Variants in PFKFB4 observed in about 807,000 individuals in gnomAD.
The protein encoded by PFKFB4 is 6-phosphofructo-2-kinase/fructose-2,6-bisphosphatase 4.
Under a neutral mutation model 62.8 loss-of-function variants are expected in PFKFB4, and 42 were observed. The observed-to-expected ratio is 0.67, with a 90% CI of 0.52 to 0.86. PFKFB4 has a LOEUF of 0.86. PFKFB4 is among the 40% of genes least tolerant of loss of function. The pLI is 0.00. For synonymous variants in PFKFB4, 204 were observed against 240.7 expected, an observed-to-expected ratio of 0.85 and a Z score of 1.41; for missense variants, 475 against 627.2, an observed-to-expected ratio of 0.76 and a Z score of 2.59.
At chr3:48,551,892 G>C (rs906116086) in intron 1 of PFKFB4, among the ~76,000 whole-genome samples, 1 of 152,156 alleles carries the variant, frequency 6.6e-6, no homozygotes, top group African/African-American at 2.4e-5. Context: ...GCCTCAGGAA[G>C]CTTCCTTTTC....
At chr3:48,546,471 G>A (rs142160121) in intron 3 of PFKFB4, among the ~76,000 whole-genome samples, 14 of 152,326 alleles carry the variant, frequency 9.2e-5, no homozygotes, top group Non-Finnish European at 1.8e-4. Context: ...GCATACAGGT[G>A]AACACAAGCG....
intron 7 of PFKFB4, among the ~76,000 whole-genome samples, chr3:48,537,516 C>CTTTTT (rs34454675): frequency 1.2e-4 from 11 of 91,388 alleles, no homozygotes; most frequent in East Asian, 3.5e-4. Flanking sequence ...CATGTGCATC[C>CTTTTT]TTTTTTTTTT....
intron 3 of PFKFB4, among the ~76,000 whole-genome samples, chr3:48,546,467 A>G (rs1485265208): frequency 2.0e-5 from 3 of 152,200 alleles, no homozygotes; most frequent in Non-Finnish European, 2.9e-5. Flanking sequence ...ATGTGCATAC[A>G]GGTGAACACA....
chr3:48,523,612 A>C lies in PFKFB4; in HGVS notation c.1223-13T>G. ...TAGGGCAGCTGTTCTGTAGACACAG[A>C]GGGGGATGGCTAGCACACCAGAAAT... On this transcript the variant is annotated splice_polypyrimidine_tract_variant and intron_variant, in intron 11 of 13. Transcript: ENST00000232375. 6.2e-7 allele frequency: 1 copy of C among 1,614,158 alleles called. No individual in the cohort carries two copies.
At chr3:48,562,567 C>T (rs1170518695), upstream of PFKFB4, 4 of 573,198 alleles carry the variant, frequency 7.0e-6, no homozygotes, top group Non-Finnish European at 1.2e-5. The surrounding 1 kb of genome is among the most constrained non-coding windows in gnomAD (Gnocchi z 4.3). Flanking sequence ...GTCCAATGTC[C>T]AGGCTGTCCA....
At position 48,527,130 on chromosome 3, in the gene PFKFB4, A is replaced by G. The variant is rs373486550; in HGVS notation, c.988-1461T>C. Among the ~76,000 whole-genome samples the G allele has an allele frequency of 1.4e-4, 21 of 152,284 alleles. No homozygotes were observed. The East Asian group carries it at 3.9e-3, about 28-fold the overall frequency. Reference sequence around the variant, plus strand: ...AAGCGTTCTTTATTAGCACCTTCAGAGGGAGCATGGCCCCGCTGACGCCTT... The same window carrying G: ...AAGCGTTCTTTATTAGCACCTTCAGGGGGAGCATGGCCCCGCTGACGCCTT... On this transcript the variant is annotated intron_variant, in intron 9 of 13. Coordinates refer to ENST00000232375, the MANE Select transcript of PFKFB4 (RefSeq NM_004567.4).
intron 9 of PFKFB4, among the ~76,000 whole-genome samples, chr3:48,526,883 G>A (rs983403171): frequency 5.3e-5 from 8 of 151,816 alleles, no homozygotes; most frequent in Non-Finnish European, 1.2e-4. Flanking sequence ...AGAGATTGCA[G>A]GGAGCTGAGA....
In PFKFB4 at chr3:48,519,531, C is replaced by T; in HGVS notation, c.*216G>A. The T allele has an allele frequency of 1.8e-6, 1 of 557,164 alleles. No homozygotes were observed. Among genetic ancestry groups the T allele is most frequent in the Non-Finnish European group, 3.2e-6 (1 of 310,328 alleles). 34.5% of individuals were successfully genotyped at this position (557,164 alleles called of 1,614,324 possible). A position where few individuals can be genotyped will look rare whatever the true frequency, so the allele number is the denominator to read the frequency against. ...ATGCAGATGCAGTCTGGTCAAGTGACTCTTAGCAGCAGGTCAGGAGCCACG... is the reference window on the plus strand; with the variant it reads ...ATGCAGATGCAGTCTGGTCAAGTGATTCTTAGCAGCAGGTCAGGAGCCACG... On this transcript the variant is annotated 3_prime_UTR_variant, in exon 14 of 14. Transcript: ENST00000232375.
chr3:48,548,173 A>C (rs995781242), intron 3 of PFKFB4: 2 of 152,024 alleles, frequency 1.3e-5, no homozygotes, highest in African/African-American at 4.8e-5. Context: ...CAGCTGGCAG[A>C]CTCTCCCCAC....
In PFKFB4 at chr3:48,535,504, G is replaced by A; in HGVS notation, c.987+8C>T. ...GGAGGTAGACAGGGAGGGAGGGACG[G>A]TAACTACCGCATCGATCTCGTTGAG... On this transcript the variant is annotated splice_region_variant and intron_variant, in intron 9 of 13. Coordinates refer to ENST00000232375, the MANE Select transcript of PFKFB4 (RefSeq NM_004567.4). The A allele has an allele frequency of 6.2e-7, 1 of 1,610,700 alleles. No individual in the cohort carries two copies.
intron 4 of PFKFB4, among the ~76,000 whole-genome samples, chr3:48,541,853 C>T (rs982118917): frequency 1.3e-5 from 2 of 152,088 alleles, no homozygotes; most frequent in African/African-American, 4.8e-5. Flanking sequence ...GTAGTCCCAG[C>T]TACTCAGGAG....
intron 9 of PFKFB4, among the ~76,000 whole-genome samples, chr3:48,531,885 AAAAAG>A (rs1338651751): frequency 3.3e-5 from 5 of 152,238 alleles, no homozygotes; most frequent in Non-Finnish European, 5.9e-5. Flanking sequence ...CTACTATTAA[AAAAAG>A]AAAAGAAAAG....
chr3:48,540,463 C>A (rs1177607378), intron 4 of PFKFB4, among the ~76,000 whole-genome samples: 1 of 152,178 alleles, frequency 6.6e-6, no homozygotes. Context: ...GCCCCCTTCC[C>A]AACCCCATCC....
intron 10 of PFKFB4, among the ~76,000 whole-genome samples, chr3:48,524,449 C>T (rs182486052): frequency 1.0e-3 from 156 of 152,338 alleles, no homozygotes; most frequent in African/African-American, 3.4e-3. Context: ...ACTGAACGTG[C>T]CCCAAGCTTT....
chr3:48,520,414 C>T (rs1360028859), intron 13 of PFKFB4, among the ~76,000 whole-genome samples: 2 of 152,142 alleles, frequency 1.3e-5, no homozygotes, highest in Non-Finnish European at 2.9e-5. Context: ...CTGAAACTTC[C>T]CTTAGCTCTC....
intron 3 of PFKFB4, among the ~76,000 whole-genome samples, chr3:48,549,437 C>T (rs2043059641): frequency 6.6e-6 from 1 of 152,256 alleles, no homozygotes; most frequent in South Asian, 2.1e-4. Flanking sequence ...GGTTCCCTTC[C>T]CCAGCAGCAG....
rs1240228304 is a variant in PFKFB4, at chr3:48,518,199, G to A, written c.*1548C>T. 2.0e-5 allele frequency: 3 copies of A among 152,390 alleles called. No individual in the cohort carries two copies. Among genetic ancestry groups the A allele is most frequent in the Non-Finnish European group, 4.4e-5 (3 of 68,134 alleles). 9.4% of individuals were successfully genotyped at this position (152,390 alleles called of 1,614,324 possible). ...AAGGGCTTGGGGCTCTGACAGATGA[G>A]TCTGGAAGGATCTTGCCCCGGCTCC... On this transcript the variant is annotated 3_prime_UTR_variant, in exon 14 of 14. Transcript: ENST00000232375.
intron 9 of PFKFB4, among the ~76,000 whole-genome samples, chr3:48,527,496 T>C (rs1292660685): frequency 1.3e-5 from 2 of 151,942 alleles, no homozygotes; most frequent in Non-Finnish European, 2.9e-5. Flanking sequence ...GCTGCTGTAA[T>C]AAAGAACTAA....
At chr3:48,539,666 C>A (rs550514919) in intron 5 of PFKFB4, 31 bp downstream of exon 5, 3 of 1,576,608 alleles carry the variant, frequency 1.9e-6, no homozygotes, top group Admixed American at 3.3e-5. Context: ...TGCCACAGTT[C>A]CGCCAAGGAG....
Sources: allele counts gnomAD v4.1 joint callset (sites outside exome capture counted in the v4.1 genomes callset), GRCh38; gene constraint gnomAD v4.1.1; non-coding constraint Gnocchi (gnomAD v3.1); transcripts MANE v1.5; gene names NCBI Gene and HGNC (gene_info 2026-07-23, HGNC 2026-07-21).